Variants in SCARB1 observed in about 807,000 individuals in gnomAD.
SCARB1 encodes scavenger receptor class B member 1, also known as CD36 and LIMPII analogous 1.
A neutral mutation model predicts 57.2 loss-of-function variants in SCARB1; 30 were observed. The observed-to-expected ratio is 0.52, with a 90% CI of 0.39 to 0.71. The LOEUF (loss-of-function observed/expected upper bound fraction) is 0.71. SCARB1 is among the 30% of genes least tolerant of loss of function. SCARB1 has a pLI of 0.00. For missense variants in SCARB1, 543 were observed against 671.2 expected (o/e 0.81, Z 2.11); for synonymous variants, 249 against 268.3 (o/e 0.93, Z 0.70).
intron 1 of SCARB1, among the ~76,000 whole-genome samples, chr12:124,827,867 A>C (rs976207058): frequency 1.3e-5 from 2 of 152,146 alleles, no homozygotes; most frequent in Non-Finnish European, 2.9e-5. Context: ...TTAGCTTATC[A>C]GGTTTATTGC....
In SCARB1 at chr12:124,777,458, A is replaced by T. The variant is rs1355724805; in HGVS notation, c.*1129T>A. 2.6e-5 allele frequency: 4 copies of T among 152,184 alleles called. No homozygotes were observed. The highest frequency in any genetic ancestry group is 2.9e-5 in the Non-Finnish European group (2 of 68,040). The allele number at this position is 152,184 out of a possible 1,614,324, so 9.4% of individuals were successfully genotyped here. A position where few individuals can be genotyped will look rare whatever the true frequency, so the allele number is the denominator to read the frequency against. On this transcript the variant is annotated 3_prime_UTR_variant, in exon 13 of 13. Coordinates refer to ENST00000261693, the MANE Select transcript of SCARB1 (RefSeq NM_005505.5). ...TTTCTATGAAACTCAACATTGCACAAGGTTGAAATTTGAAAACAACAGGAA... is the reference window on the plus strand; with the variant it reads ...TTTCTATGAAACTCAACATTGCACATGGTTGAAATTTGAAAACAACAGGAA...
intron 1 of SCARB1, among the ~76,000 whole-genome samples, chr12:124,859,050 T>C (rs1952770979): frequency 6.6e-6 from 1 of 152,048 alleles, no homozygotes; most frequent in Admixed American, 6.6e-5. Context: ...TTAGTTTTGT[T>C]GTTGTTTTGT....
At chr12:124,785,371 T>G (rs2135535674) in intron 11 of SCARB1, 1 of 153,072 alleles carries the variant, frequency 6.5e-6, no homozygotes, top group Non-Finnish European at 1.5e-5. Flanking sequence ...CTCACTCCCC[T>G]CCAGCCACCC....
intron 1 of SCARB1, among the ~76,000 whole-genome samples, chr12:124,837,718 C>G (rs1374540376): frequency 6.8e-6 from 1 of 147,748 alleles, no homozygotes; most frequent in African/African-American, 2.5e-5. Flanking sequence ...GAGGACCCCC[C>G]CTACACACCC....
chr12:124,812,251 C>T lies in SCARB1; in HGVS notation c.631-286G>A, dbSNP rs1286623039. On this transcript the variant is annotated intron_variant, in intron 4 of 12. Transcript: ENST00000261693. The surrounding 1 kb of genome is among the most constrained non-coding windows in gnomAD (Gnocchi z 4.3). ...AAATGGCAGATCACCCCCACCACACCCTACTCCAGCATAAAATAAAGCATG... is the reference window on the plus strand; with the variant it reads ...AAATGGCAGATCACCCCCACCACACTCTACTCCAGCATAAAATAAAGCATG... 2.0e-5 allele frequency among the ~76,000 whole-genome samples: 3 copies of T among 152,192 alleles called. No individual in the cohort carries two copies. The highest frequency in any genetic ancestry group is 4.4e-5 in the Non-Finnish European group (3 of 68,022).
Position 124,778,486 on chromosome 12 carries a change from G to T in SCARB1, c.*101C>A. On this transcript the variant is annotated 3_prime_UTR_variant, in exon 13 of 13. Transcript: ENST00000261693. ...GGAGGCTCAGGCTGTGGGGCTGGGG[G>T]GCTGTCCGCTGGGAGAGTCCGGGAG... is the stretch of plus-strand genomic sequence containing the variant. 7.4e-7 allele frequency: 1 copy of T among 1,351,304 alleles called. No individual in the cohort carries two copies. The allele number at this position is 1,351,304 out of a possible 1,614,324, so 83.7% of individuals were successfully genotyped here.
At position 124,817,541 on chromosome 12, in the gene SCARB1, C is replaced by T; in HGVS notation, c.284+9G>A. 6.2e-7 allele frequency: 1 copy of T among 1,613,494 alleles called. No individual in the cohort carries two copies. The highest frequency in any genetic ancestry group is 8.5e-7 in the Non-Finnish European group (1 of 1,179,982). ...CGGCCCCTCCACCCTCACCTGGACA[C>T]AGCCTCACCTGTACACGTAGGGCCC... On this transcript the variant is annotated intron_variant, in intron 2 of 12. Coordinates refer to ENST00000261693, the MANE Select transcript of SCARB1 (RefSeq NM_005505.5). The surrounding 1 kb of genome is among the most constrained non-coding windows in gnomAD (Gnocchi z 4.8).
rs1353451929 is a variant in SCARB1 at position 124,817,132 on chromosome 12, GTA to G, written c.284+416_284+417del. Among the ~76,000 whole-genome samples the G allele has an allele frequency of 1.5e-4, 6 of 38,712 alleles. No homozygotes were observed. The Admixed American group carries it at 1.6e-3, about 10-fold the overall frequency. The allele number at this position is 38,712 out of a possible 152,430, so 25.4% of individuals were successfully genotyped here. A position where few individuals can be genotyped will look rare whatever the true frequency, so the allele number is the denominator to read the frequency against. On this transcript the variant is annotated intron_variant, in intron 2 of 12. Coordinates refer to ENST00000261693, the MANE Select transcript of SCARB1 (RefSeq NM_005505.5). The surrounding 1 kb of genome is among the most constrained non-coding windows in gnomAD (Gnocchi z 4.8). Reference sequence around the variant, plus strand: ...TGTACGTGTGTATGTATGTATGTGTGTATGTGTATGTGTATGTGTGTGTATGT... The same window carrying G: ...TGTACGTGTGTATGTATGTATGTGTGTGTGTATGTGTATGTGTGTGTATGT...
At chr12:124,786,634 T>C in intron 10 of SCARB1, 131 bp from the exon 11 acceptor site, 1 of 1,513,760 alleles carries the variant, frequency 6.6e-7, no homozygotes, top group Non-Finnish European at 8.8e-7. Context: ...CTAAAGCATG[T>C]GTTGGAGCCT....
chr12:124,817,020 ATG>A lies in SCARB1; in HGVS notation c.284+528_284+529del, dbSNP rs71092225. On this transcript the variant is annotated intron_variant, in intron 2 of 12. Coordinates refer to ENST00000261693, the MANE Select transcript of SCARB1 (RefSeq NM_005505.5). This position sits in a 1 kb window ranked among gnomAD's most constrained non-coding sequence, Gnocchi z 4.8. ...GGTCGGTCCCTGCTCCTGGTCATGC[ATG>A]TGTGTGTGTGTGTGTGTGTGTGTGT... Among the ~76,000 whole-genome samples, 10,230 of 145,824 alleles carry A rather than the reference ATG, an allele frequency of 0.07. 865 individuals carry two copies. The highest frequency in any genetic ancestry group is 0.37 in the East Asian group (1,832 of 4,918).
intron 9 of SCARB1, among the ~76,000 whole-genome samples, chr12:124,792,384 G>A (rs563803611): frequency 3.3e-5 from 5 of 152,126 alleles, no homozygotes; most frequent in South Asian, 4.2e-4. Flanking sequence ...TTGGGTGACC[G>A]GTCCACAGGT....
At chr12:124,808,349 C>T (rs986712446) in intron 6 of SCARB1, among the ~76,000 whole-genome samples, 1 of 152,034 alleles carries the variant, frequency 6.6e-6, no homozygotes, top group Non-Finnish European at 1.5e-5. Flanking sequence ...TATATCATGC[C>T]CCTGCTGAAA....
intron 12 of SCARB1, among the ~76,000 whole-genome samples, chr12:124,781,933 T>G (rs188106092): frequency 3.0e-4 from 45 of 152,190 alleles, no homozygotes; most frequent in African/African-American, 1.1e-3. Flanking sequence ...TGAGACGGAG[T>G]CTCACTCTGT....
At chr12:124,780,383 C>G (rs929113035) in intron 12 of SCARB1, among the ~76,000 whole-genome samples, 2 of 152,206 alleles carry the variant, frequency 1.3e-5, no homozygotes, top group African/African-American at 4.8e-5. Flanking sequence ...CTGTTTTCCC[C>G]CCTTCTCCCA....
chr12:124,854,747 G>A (rs987724956), intron 1 of SCARB1, among the ~76,000 whole-genome samples: 2 of 152,194 alleles, frequency 1.3e-5, no homozygotes, highest in Non-Finnish European at 2.9e-5. Flanking sequence ...TGGAAGATGG[G>A]GGGGCTATGA....
intron 7 of SCARB1, among the ~76,000 whole-genome samples, chr12:124,801,052 A>T (rs1263255823): frequency 6.6e-6 from 1 of 152,164 alleles, no homozygotes; most frequent in Non-Finnish European, 1.5e-5. Flanking sequence ...TACAAAAATT[A>T]GCCGGGCATG....
Position 124,782,670 on chromosome 12 carries a change from A to G in SCARB1, c.*13T>C. Reference sequence around the variant, plus strand: ...AGGGGGCGGGGAGGCGCACGGCATTACCTGGTACCCACCTACAGTTTTGCT... The same window carrying G: ...AGGGGGCGGGGAGGCGCACGGCATTGCCTGGTACCCACCTACAGTTTTGCT... On this transcript the variant is annotated intron_variant, in intron 12 of 12. Coordinates refer to ENST00000261693, the MANE Select transcript of SCARB1 (RefSeq NM_005505.5). The G allele has an allele frequency of 6.2e-7, 1 of 1,613,748 alleles. No individual in the cohort carries two copies. The highest frequency in any genetic ancestry group is 8.5e-7 in the Non-Finnish European group (1 of 1,179,840).
intron 10 of SCARB1, 147 bp from the exon 11 acceptor site, chr12:124,786,650 G>A: frequency 6.8e-7 from 1 of 1,471,100 alleles, no homozygotes. Flanking sequence ...AGCCTGCCAG[G>A]GACCTCCTCC....
chr12:124,807,998 G>T lies in SCARB1; in HGVS notation c.843-71C>A. The T allele has an allele frequency of 6.7e-7, 1 of 1,501,856 alleles. No homozygotes were observed. The highest frequency in any genetic ancestry group is 9.2e-7 in the Non-Finnish European group (1 of 1,081,690). The allele number at this position is 1,501,856 out of a possible 1,614,324, so 93.0% of individuals were successfully genotyped here. A position where few individuals can be genotyped will look rare whatever the true frequency, so the allele number is the denominator to read the frequency against. On this transcript the variant is annotated intron_variant, in intron 6 of 12. Transcript: ENST00000261693. The surrounding 1 kb of genome is among the most constrained non-coding windows in gnomAD (Gnocchi z 5.3). ...CCAGAGCCAGGCCCTGCCAAAGGCT[G>T]CCCAGATCCAGCCACTTCTCCCCAC... is the stretch of plus-strand genomic sequence containing the variant.
Sources: gnomAD v4.1 joint callset for allele counts (sites outside exome capture counted in the v4.1 genomes callset) on GRCh38, gnomAD v4.1.1 for gene constraint, Gnocchi (gnomAD v3.1) non-coding constraint, MANE v1.5 for transcripts, NCBI Gene and HGNC (gene_info 2026-07-23, HGNC 2026-07-21) for gene names.